The following ABL1 variants were observed in gnomAD, a reference collection of about 807,000 sequenced individuals.
ABL1 encodes ABL proto-oncogene 1, non-receptor tyrosine kinase.
In ABL1, 11 loss-of-function variants were observed where a neutral mutation model predicts 94.7. That is an observed-to-expected ratio of 0.12 (90% CI 0.07 to 0.19). ABL1 has a LOEUF of 0.19. Ranked by LOEUF, ABL1 falls within the 10% of genes least tolerant of loss-of-function variation. The pLI is 1.00. For missense variants in ABL1, 1,082 were observed against 1,489.4 expected (o/e 0.73, Z 4.50); for synonymous variants, 656 against 622.4 (o/e 1.05, Z -0.80).
At chr9:130,866,727 CATTG>C (rs747628068) in intron 4 of ABL1, among the ~76,000 whole-genome samples, 13 of 152,350 alleles carry the variant, frequency 8.5e-5, no homozygotes, top group Admixed American at 3.3e-4. Context: ...AGCAAAGGCT[CATTG>C]ATTGGGAACT....
intron 1 of ABL1, among the ~76,000 whole-genome samples, chr9:130,776,745 G>T (rs1174361720): frequency 6.6e-6 from 1 of 151,888 alleles, no homozygotes; most frequent in African/African-American, 2.4e-5. Context: ...TGCTTAGAGG[G>T]GGCTCTTTAT....
intron 1 of ABL1, among the ~76,000 whole-genome samples, chr9:130,752,771 C>G (rs865860649): frequency 1.3e-5 from 2 of 151,008 alleles, no homozygotes; most frequent in Non-Finnish European, 2.9e-5. Context: ...CCAGCCATGG[C>G]CAACATATGA....
intron 1 of ABL1, among the ~76,000 whole-genome samples, chr9:130,849,016 G>A (rs1005514184): frequency 6.6e-6 from 1 of 151,818 alleles, no homozygotes; most frequent in African/African-American, 2.4e-5. Context: ...TTCACAGTTT[G>A]GTGAAATTCC....
chr9:130,802,112 A>ATTTTTTTTTT (rs1164847437), intron 1 of ABL1, among the ~76,000 whole-genome samples: 1 of 87,486 alleles, frequency 1.1e-5, no homozygotes, highest in Admixed American at 1.1e-4. Flanking sequence ...TTTTTTTTTG[A>ATTTTTTTTTT]AATGGTCTCT....
intron 7 of ABL1, 79 bp from the exon 8 acceptor site, chr9:130,878,336 C>G: frequency 6.5e-7 from 1 of 1,541,648 alleles, no homozygotes; most frequent in Non-Finnish European, 8.9e-7. Context: ...AGGTCTGCTG[C>G]AAAGGTAACT....
intron 1 of ABL1, among the ~76,000 whole-genome samples, chr9:130,736,596 ATTC>A (rs1588216234): frequency 6.6e-6 from 1 of 151,828 alleles, no homozygotes; most frequent in Non-Finnish European, 1.5e-5. Flanking sequence ...GGTTCAAGCA[ATTC>A]TTCTGCCTCA....
intron 6 of ABL1, among the ~76,000 whole-genome samples, chr9:130,874,362 C>A (rs35462004): frequency 0.058 from 8,833 of 152,176 alleles, 367 homozygotes; most frequent in Non-Finnish European, 0.085. Context: ...ATGCCATGGG[C>A]TTTGTTTTAT....
chr9:130,746,221 CG>C (rs1424490334), intron 1 of ABL1, among the ~76,000 whole-genome samples: 9 of 57,444 alleles, frequency 1.6e-4, no homozygotes, highest in East Asian at 2.6e-3. Flanking sequence ...GAATTTAATG[CG>C]TTTTTTTTTT....
intron 1 of ABL1, among the ~76,000 whole-genome samples, chr9:130,809,041 C>G (rs566802335): frequency 6.6e-6 from 1 of 152,164 alleles, no homozygotes; most frequent in Non-Finnish European, 1.5e-5. Flanking sequence ...CCCCAGCAGT[C>G]TCTCCTCATT....
At chr9:130,875,591 G>A (rs954861399) in intron 7 of ABL1, among the ~76,000 whole-genome samples, 1 of 152,010 alleles carries the variant, frequency 6.6e-6, no homozygotes, top group Non-Finnish European at 1.5e-5. Flanking sequence ...CATCCTTAGA[G>A]TTTCGTACGT....
In ABL1 at chr9:130,854,121, C is replaced by G. The variant is rs371791060; in HGVS notation, c.137C>G (p.Ala46Gly). Residue 46 changes from alanine (A) to glycine (G), a missense_variant, in exon 2 of 11, where the codon GCT becomes GGT. Around this residue, in one of 7 missense-constraint regions of ABL1, gnomAD observed 65 missense variants for 80.8 expected, o/e 0.80. Transcript: ENST00000318560. ...GAGCCTCAGGGTCTGAGTGAAGCCG[C>G]TCGTTGGAACTCCAAGGAAAACCTT... ...DFEPQGLSEA[A>G]RWNSKENLLA... The G allele has an allele frequency of 3.7e-6, 6 of 1,614,194 alleles. No homozygotes were observed. Among genetic ancestry groups the G allele is most frequent in the Non-Finnish European group, 5.1e-6 (6 of 1,180,038 alleles).
At chr9:130,846,759 C>T (rs951277503) in intron 1 of ABL1, among the ~76,000 whole-genome samples, 1 of 152,216 alleles carries the variant, frequency 6.6e-6, no homozygotes, top group Admixed American at 6.5e-5. Flanking sequence ...CCTGACTGTT[C>T]GCCAGCGTCT....
intron 1 of ABL1, among the ~76,000 whole-genome samples, chr9:130,773,432 A>C (rs564463940): frequency 8.5e-5 from 13 of 152,174 alleles, no homozygotes; most frequent in Non-Finnish European, 1.3e-4. Flanking sequence ...TCAGTAATCA[A>C]GATGCTTTTT....
rs117979253 is a variant in ABL1 at position 130,734,787 on chromosome 9, G to A, written c.136+20332G>A. Among the ~76,000 whole-genome samples the A allele has an allele frequency of 0.015, 2,233 of 152,052 alleles. 162 individuals carry two copies. The East Asian group carries it at 0.23, about 15-fold the overall frequency. ...TCTACCCGCCTCAGCCTCCCAAAGC[G>A]GTGCAATTACAAGTGTGAGCCACTG... is the stretch of plus-strand genomic sequence containing the variant. On this transcript the variant is annotated intron_variant, in intron 1 of 10. Coordinates refer to the ABL1 transcript ENST00000372348.
At chr9:130,776,142 T>G (rs1832307817) in intron 1 of ABL1, among the ~76,000 whole-genome samples, 1 of 152,098 alleles carries the variant, frequency 6.6e-6, no homozygotes, top group African/African-American at 2.4e-5. Context: ...AAAGAAAAAG[T>G]GGAATGAATA....
At chr9:130,848,735 G>A (rs1439567047) in intron 1 of ABL1, among the ~76,000 whole-genome samples, 1 of 151,566 alleles carries the variant, frequency 6.6e-6, no homozygotes, top group African/African-American at 2.4e-5. Context: ...TCAGGAGTTC[G>A]AAACCAGCCT....
chr9:130,768,535 A>T (rs1306027031), intron 1 of ABL1, among the ~76,000 whole-genome samples: 1 of 152,198 alleles, frequency 6.6e-6, no homozygotes, highest in East Asian at 1.9e-4. Context: ...GAGCCCTTGC[A>T]TCAGCCTGGC....
In ABL1 at chr9:130,803,871, A is replaced by G. The variant is rs372304043; in HGVS notation, c.137-50193A>G. ...ACTAAACACCTGGAAATTAAAACTTAGGCCAACACATCAAAGTCTTTATGA... is the reference window on the plus strand; with the variant it reads ...ACTAAACACCTGGAAATTAAAACTTGGGCCAACACATCAAAGTCTTTATGA... On this transcript the variant is annotated intron_variant, in intron 1 of 10. Transcript: ENST00000372348. Among the ~76,000 whole-genome samples, 23 of 152,320 alleles carry G rather than the reference A, an allele frequency of 1.5e-4. 1 individual carries two copies. Among genetic ancestry groups the G allele is most frequent in the African/African-American group, 5.1e-4 (21 of 41,574 alleles).
intron 1 of ABL1, among the ~76,000 whole-genome samples, chr9:130,723,555 A>AAAAC (rs1009816657): frequency 1.4e-4 from 21 of 152,186 alleles, no homozygotes; most frequent in African/African-American, 4.6e-4. Context: ...TTAAAAGTAA[A>AAAAC]AAACAAACAA....
Sources: allele counts gnomAD v4.1 joint callset (sites outside exome capture counted in the v4.1 genomes callset), GRCh38; gene constraint gnomAD v4.1.1; regional missense constraint gnomAD v4.1.1; transcripts MANE v1.5; gene names NCBI Gene and HGNC (gene_info 2026-07-23, HGNC 2026-07-21).